The following ZNF385D variants were observed in gnomAD, a reference collection of about 807,000 sequenced individuals.
The protein encoded by ZNF385D is zinc finger protein 385D.
ZNF385D carries 15 observed loss-of-function variants against 35.8 expected under a neutral mutation model. That is an observed-to-expected ratio of 0.42 (90% confidence interval 0.28 to 0.64). The LOEUF (loss-of-function observed/expected upper bound fraction) is 0.64, where lower values mean the gene tolerates loss of function less well. Ranked by LOEUF, ZNF385D falls within the 30% of genes least tolerant of loss-of-function variation. The pLI, the probability that ZNF385D is intolerant of heterozygous loss-of-function variation, is 0.23. For missense variants in ZNF385D, 474 were observed against 494.6 expected (o/e 0.96, Z 0.39); for synonymous variants, 212 against 186.8 (o/e 1.13, Z -1.10).
chr3:21,799,113 C>T (rs1408755501), intron 3 of ZNF385D, among the ~76,000 whole-genome samples: 1 of 152,172 alleles, frequency 6.6e-6, no homozygotes, highest in Admixed American at 6.6e-5. Context: ...TTCATCCACA[C>T]TGTAGCATGT....
At chr3:21,833,679 A>T (rs1025684852) in intron 3 of ZNF385D, among the ~76,000 whole-genome samples, 3 of 152,182 alleles carry the variant, frequency 2.0e-5, no homozygotes, top group Non-Finnish European at 4.4e-5. Context: ...AAACAAAATA[A>T]TTTAGAAAAT....
intron 3 of ZNF385D, among the ~76,000 whole-genome samples, chr3:21,953,379 C>T (rs1702151596): frequency 6.6e-6 from 1 of 151,604 alleles, no homozygotes; most frequent in Admixed American, 6.6e-5. Context: ...GAATTCCATT[C>T]TGATTTTTCA....
intron 3 of ZNF385D, among the ~76,000 whole-genome samples, chr3:21,784,930 T>C (rs2071626971): frequency 6.6e-6 from 1 of 152,168 alleles, no homozygotes; most frequent in Admixed American, 6.5e-5. Flanking sequence ...TTTTTAAATG[T>C]TGCATTCAAA....
At chr3:21,427,076 A>G (rs985267590) in intron 5 of ZNF385D, among the ~76,000 whole-genome samples, 4 of 152,178 alleles carry the variant, frequency 2.6e-5, no homozygotes, top group Non-Finnish European at 4.4e-5. Flanking sequence ...AATGACTGTG[A>G]TGCTTCACGG....
At chr3:21,951,307 A>C (rs554140987) in intron 3 of ZNF385D, among the ~76,000 whole-genome samples, 5 of 151,630 alleles carry the variant, frequency 3.3e-5, no homozygotes, top group Admixed American at 2.0e-4. Flanking sequence ...TCTTTGTAGC[A>C]ATTGTGAATG....
intron 3 of ZNF385D, among the ~76,000 whole-genome samples, chr3:22,029,557 G>A (rs548387663): frequency 8.5e-5 from 13 of 152,298 alleles, no homozygotes; most frequent in South Asian, 8.3e-4. Flanking sequence ...CTATGGAAAC[G>A]AGGACTGTTA....
chr3:21,783,260 G>A (rs2071561461), intron 3 of ZNF385D, among the ~76,000 whole-genome samples: 1 of 151,978 alleles, frequency 6.6e-6, no homozygotes, highest in African/African-American at 2.4e-5. Context: ...TAAATACAAG[G>A]GTTTATGTGC....
At chr3:22,009,181 T>G (rs1696407262) in intron 3 of ZNF385D, among the ~76,000 whole-genome samples, 1 of 152,146 alleles carries the variant, frequency 6.6e-6, no homozygotes, top group Admixed American at 6.5e-5. Context: ...TTTTTAGGTA[T>G]ACAGCCTATT....
At chr3:21,792,852 G>C (rs1045011771) in intron 3 of ZNF385D, among the ~76,000 whole-genome samples, 6 of 152,130 alleles carry the variant, frequency 3.9e-5, no homozygotes, top group Non-Finnish European at 7.4e-5. Context: ...TTTTTAAAAA[G>C]AGCTTAATTC....
At chr3:22,287,624 C>G (rs1291132764) in intron 2 of ZNF385D, among the ~76,000 whole-genome samples, 2 of 151,916 alleles carry the variant, frequency 1.3e-5, no homozygotes, top group Non-Finnish European at 2.9e-5. Flanking sequence ...TTGGCATACA[C>G]AAACTCTACA....
chr3:22,214,833 G>C (rs1243765308), intron 2 of ZNF385D, among the ~76,000 whole-genome samples: 1 of 151,946 alleles, frequency 6.6e-6, no homozygotes, highest in Non-Finnish European at 1.5e-5. Flanking sequence ...TGGTCCTGTG[G>C]TCCTGTAATC....
chr3:21,705,994 TG>T (rs1293293501), intron 1 of ZNF385D, among the ~76,000 whole-genome samples: 1 of 151,956 alleles, frequency 6.6e-6, no homozygotes, highest in African/African-American at 2.4e-5. Flanking sequence ...ATGGCAAAGG[TG>T]GGGGTGAGGA....
chr3:21,503,452 A>G (rs938025103), intron 4 of ZNF385D, among the ~76,000 whole-genome samples: 1 of 152,198 alleles, frequency 6.6e-6, no homozygotes, highest in Admixed American at 6.5e-5. Flanking sequence ...CCCTCCATAG[A>G]AAACTATTTG....
chr3:21,573,932 C>G (rs935717572), intron 2 of ZNF385D, among the ~76,000 whole-genome samples: 1 of 151,518 alleles, frequency 6.6e-6, no homozygotes, highest in Non-Finnish European at 1.5e-5. Context: ...TGGTGGCGGG[C>G]GCTTGTAATC....
chr3:22,205,493 T>C (rs1174912244), intron 2 of ZNF385D, among the ~76,000 whole-genome samples: 4 of 152,040 alleles, frequency 2.6e-5, no homozygotes, highest in East Asian at 1.9e-4. Context: ...AGCACTGCAA[T>C]TGTGGCATGT....
At chr3:22,341,318 G>T (rs1695410984) in intron 2 of ZNF385D, among the ~76,000 whole-genome samples, 1 of 152,124 alleles carries the variant, frequency 6.6e-6, no homozygotes, top group Non-Finnish European at 1.5e-5. Flanking sequence ...CTTGTTTTGG[G>T]ACACAATCAC....
chr3:22,296,490 G>A lies in ZNF385D; in HGVS notation c.106+75960C>T, dbSNP rs148770172. ...TGTCTAATGCCTATGAAAGATAAAA[G>A]AGAAGGGAAGCAGAATTGGACAGGG... On this transcript the variant is annotated intron_variant, in intron 2 of 5. Transcript: ENST00000494108. Among the ~76,000 whole-genome samples the A allele has an allele frequency of 3.9e-5, 6 of 152,232 alleles. No individual in the cohort carries two copies. In the East Asian group the frequency reaches 1.2e-3, roughly 29 times the overall value.
At chr3:22,050,760 T>C (rs1699302840) in intron 3 of ZNF385D, among the ~76,000 whole-genome samples, 1 of 152,218 alleles carries the variant, frequency 6.6e-6, no homozygotes. Flanking sequence ...TATGTATTTG[T>C]TTAAAAATTG....
At chr3:22,276,002 T>C (rs975341611) in intron 2 of ZNF385D, among the ~76,000 whole-genome samples, 1 of 152,072 alleles carries the variant, frequency 6.6e-6, no homozygotes, top group Non-Finnish European at 1.5e-5. Flanking sequence ...CAAAAATCAC[T>C]TGAACCCAGG....
Sources: gnomAD v4.1 joint callset for allele counts (sites outside exome capture counted in the v4.1 genomes callset) on GRCh38, gnomAD v4.1.1 for gene constraint, MANE v1.5 for transcripts, NCBI Gene and HGNC (gene_info 2026-07-23, HGNC 2026-07-21) for gene names.